Variants in DSCAM observed in about 807,000 individuals in gnomAD.
DSCAM encodes cell adhesion molecule DSCAM.
A neutral mutation model predicts 217.7 loss-of-function variants in DSCAM; 47 were observed. The observed-to-expected ratio is 0.22, with a 90% CI of 0.17 to 0.28. The LOEUF is 0.28. Among genes scored for constraint, DSCAM ranks in the 10% least tolerant of loss-of-function variants. The pLI, the probability that DSCAM is intolerant of heterozygous loss-of-function variation, is 1.00. For synonymous variants in DSCAM, 1,056 were observed against 1,015.3 expected, an observed-to-expected ratio of 1.04 and a Z score of -0.76; for missense variants, 2,080 against 2,618.3, an observed-to-expected ratio of 0.79 and a Z score of 4.49.
intron 16 of DSCAM, among the ~76,000 whole-genome samples, chr21:40,154,768 C>T (rs1289181578): frequency 6.6e-6 from 1 of 152,114 alleles, no homozygotes; most frequent in Non-Finnish European, 1.5e-5. Flanking sequence ...GTGCTTAGAA[C>T]AAAGGGGCTG....
intron 3 of DSCAM, among the ~76,000 whole-genome samples, chr21:40,682,531 G>T (rs1290823347): frequency 8.5e-6 from 1 of 118,086 alleles, no homozygotes; most frequent in Non-Finnish European, 1.8e-5. Flanking sequence ...GAAAGAAAAA[G>T]AAAAAAGAAA....
At chr21:40,080,461 A>T in intron 24 of DSCAM, 121 bp from the exon 25 acceptor site, 1 of 898,746 alleles carries the variant, frequency 1.1e-6, no homozygotes, top group Non-Finnish European at 1.6e-6. Context: ...AATCTTCAGA[A>T]GGAACATTTT....
At chr21:40,699,488 G>C (rs562631546) in intron 2 of DSCAM, among the ~76,000 whole-genome samples, 1 of 152,356 alleles carries the variant, frequency 6.6e-6, no homozygotes, top group East Asian at 1.9e-4. Flanking sequence ...CAGGCTGAAA[G>C]CTAGGCCTTT....
chr21:40,823,422 T>C (rs2091945281), intron 1 of DSCAM, among the ~76,000 whole-genome samples: 1 of 152,210 alleles, frequency 6.6e-6, no homozygotes, highest in African/African-American at 2.4e-5. Context: ...TCAACTTGTT[T>C]AAGGCTTTCA....
intron 1 of DSCAM, among the ~76,000 whole-genome samples, chr21:40,760,005 TTATTTA>T (rs1462999676): frequency 3.4e-4 from 33 of 96,096 alleles, no homozygotes; most frequent in Non-Finnish European, 6.1e-4. Context: ...ATTTATTTAT[TTATTTA>T]TGAGACAGAG....
At chr21:40,576,772 G>A (rs1252198729) in intron 3 of DSCAM, among the ~76,000 whole-genome samples, 1 of 151,914 alleles carries the variant, frequency 6.6e-6, no homozygotes, top group Middle Eastern at 3.4e-3. Flanking sequence ...ATATAAATGC[G>A]CAATTTTTAC....
chr21:40,674,974 T>C (rs1040423860), intron 3 of DSCAM, among the ~76,000 whole-genome samples: 2 of 151,586 alleles, frequency 1.3e-5, no homozygotes, highest in African/African-American at 4.8e-5. Flanking sequence ...TTACTAAGAG[T>C]AAAAATGCCA....
At chr21:40,113,096 T>A (rs1308356007) in intron 20 of DSCAM, among the ~76,000 whole-genome samples, 14 of 152,166 alleles carry the variant, frequency 9.2e-5, no homozygotes, top group Non-Finnish European at 1.5e-4. Context: ...TACCAAAGCC[T>A]GGCAGAGACA....
At chr21:40,361,148 AC>A (rs2074759718) in intron 4 of DSCAM, among the ~76,000 whole-genome samples, 1 of 149,998 alleles carries the variant, frequency 6.7e-6, no homozygotes, top group Non-Finnish European at 1.5e-5. Context: ...TATATATATT[AC>A]AAAAATTATT....
intron 1 of DSCAM, among the ~76,000 whole-genome samples, chr21:40,820,427 A>G (rs2091915275): frequency 1.3e-5 from 2 of 152,130 alleles, no homozygotes; most frequent in African/African-American, 4.8e-5. Context: ...ACATGGACAC[A>G]AGGAGGGGAA....
At chr21:40,830,292 C>T (rs1413165849) in intron 1 of DSCAM, among the ~76,000 whole-genome samples, 1 of 151,552 alleles carries the variant, frequency 6.6e-6, no homozygotes, top group Non-Finnish European at 1.5e-5. Flanking sequence ...GGAGGTGCCA[C>T]ACACTTTTAG....
chr21:40,839,228 A>G (rs2092080895), intron 1 of DSCAM, among the ~76,000 whole-genome samples: 1 of 152,210 alleles, frequency 6.6e-6, no homozygotes, highest in Admixed American at 6.5e-5. Flanking sequence ...ACTGACAAAT[A>G]AGGACTTCAT....
At chr21:40,673,833 C>T (rs1443005370) in intron 3 of DSCAM, among the ~76,000 whole-genome samples, 1 of 152,104 alleles carries the variant, frequency 6.6e-6, no homozygotes, top group Non-Finnish European at 1.5e-5. Flanking sequence ...TCCCTGAGGC[C>T]TCCCCAGAAG....
intron 29 of DSCAM, among the ~76,000 whole-genome samples, chr21:40,054,608 A>G (rs1847243690): frequency 6.6e-6 from 1 of 152,248 alleles, no homozygotes; most frequent in Non-Finnish European, 1.5e-5. Flanking sequence ...AACACCTTCC[A>G]AAACAAACAT....
At chr21:40,354,960 AT>A (rs766999108) in intron 4 of DSCAM, among the ~76,000 whole-genome samples, 12 of 152,024 alleles carry the variant, frequency 7.9e-5, no homozygotes, top group Non-Finnish European at 1.6e-4. Flanking sequence ...ATTTTAAAAC[AT>A]TTTATTTATT....
chr21:40,627,082 G>A (rs1375539884), intron 3 of DSCAM, among the ~76,000 whole-genome samples: 3 of 152,236 alleles, frequency 2.0e-5, no homozygotes, highest in Non-Finnish European at 2.9e-5. Context: ...GAGATACACC[G>A]ACTGAGGACA....
intron 32 of DSCAM, among the ~76,000 whole-genome samples, chr21:40,022,118 G>C (rs775563060): frequency 4.6e-5 from 7 of 152,092 alleles, no homozygotes; most frequent in Non-Finnish European, 8.8e-5. Flanking sequence ...AATGGTTCTT[G>C]CTATGGTTCT....
intron 1 of DSCAM, among the ~76,000 whole-genome samples, chr21:40,792,158 T>TG (rs2091651908): frequency 7.0e-6 from 1 of 142,946 alleles, no homozygotes; most frequent in African/African-American, 2.6e-5. Context: ...TTTTTTTTTT[T>TG]GAGACAGAGT....
chr21:40,175,805 A>ACACACACGCACG lies in DSCAM; in HGVS notation c.2947+3121_2947+3122insCGTGCGTGTGTG, dbSNP rs879840957. On this transcript the variant is annotated intron_variant, in intron 15 of 32. Coordinates refer to ENST00000400454, the MANE Select transcript of DSCAM (RefSeq NM_001389.5). ...TACACACACACACACACACACACAC[A>ACACACACGCACG]CACGCACACACACACACACGCACAC... 5.3e-5 allele frequency among the ~76,000 whole-genome samples: 6 copies of ACACACACGCACG among 112,640 alleles called. No homozygotes were observed. The East Asian group carries it at 7.2e-4, about 14-fold the overall frequency. The allele number at this position is 112,640 out of a possible 152,430, so 73.9% of individuals were successfully genotyped here. A position where few individuals can be genotyped will look rare whatever the true frequency, so the allele number is the denominator to read the frequency against.
Sources: gnomAD v4.1 joint callset for allele counts (sites outside exome capture counted in the v4.1 genomes callset) on GRCh38, gnomAD v4.1.1 for gene constraint, MANE v1.5 for transcripts, NCBI Gene and HGNC (gene_info 2026-07-23, HGNC 2026-07-21) for gene names.